Variants in ANKRD33B observed in about 807,000 individuals in gnomAD.
The protein encoded by ANKRD33B is ankyrin repeat domain-containing protein 33B.
In ANKRD33B, 6 loss-of-function variants were observed where a neutral mutation model predicts 21.5. That is an observed-to-expected ratio of 0.28 (90% CI 0.15 to 0.55). ANKRD33B has a LOEUF of 0.55. ANKRD33B is among the 20% of genes least tolerant of loss of function. ANKRD33B has a pLI of 0.94. For synonymous variants in ANKRD33B, 347 were observed against 342.4 expected (o/e 1.01, Z -0.15); for missense variants, 698 against 747.2 (o/e 0.93, Z 0.77).
intron 3 of ANKRD33B, 91 bp from the exon 4 acceptor site, chr5:10,649,175 G>T (rs144064102): frequency 2.8e-5 from 40 of 1,439,870 alleles, no homozygotes; most frequent in Non-Finnish European, 3.6e-5. Context: ...GTGGGGGGTG[G>T]GGGCAGTTTT....
In ANKRD33B at chr5:10,618,516, C is replaced by T. The variant is rs60052781; in HGVS notation, c.496+54C>T. 28,776 of 1,469,538 alleles carry T rather than the reference C, an allele frequency of 0.02. 4,248 individuals carry two copies. In the African/African-American group the frequency reaches 0.34, roughly 17 times the overall value. 91.0% of individuals were successfully genotyped at this position (1,469,538 alleles called of 1,614,324 possible). ...AGAGCCGTGGCCAGAGCACCGCCGC[C>T]GGGCAGCCCGGGCTCCCGTTGCGAT... On this transcript the variant is annotated intron_variant, in intron 2 of 3. Transcript: ENST00000296657.
intron 1 of ANKRD33B, among the ~76,000 whole-genome samples, chr5:10,612,203 G>A (rs976208575): frequency 1.3e-5 from 2 of 152,180 alleles, no homozygotes; most frequent in South Asian, 2.1e-4. Context: ...GTCTTAGTCC[G>A]TTTAGGCTGC....
chr5:10,564,758 C>T lies in ANKRD33B; in HGVS notation c.291C>T (p.Asn97=), dbSNP rs117918201. The change falls in exon 1 of 4, where the codon AAC becomes AAT. Residue 97 remains asparagine, a synonymous_variant. Transcript: ENST00000296657. The part of the protein sequence containing the change: ...ATLLRAACAN[N]VGLLRTLVRR... ...TCCTGCGCGCCGCCTGCGCCAACAA[C>T]GTGGGGCTGCTGCGGACGCTGGTGC... is the stretch of plus-strand genomic sequence containing the variant. 6,335 of 1,529,126 alleles carry T rather than the reference C, an allele frequency of 4.1e-3. 46 individuals are homozygous for T. The highest frequency in any genetic ancestry group is 0.038 in the East Asian group (1,557 of 40,694). The allele number at this position is 1,529,126 out of a possible 1,614,324, so 94.7% of individuals were successfully genotyped here.
chr5:10,633,598 C>A (rs913669694), intron 2 of ANKRD33B, among the ~76,000 whole-genome samples: 4 of 152,206 alleles, frequency 2.6e-5, no homozygotes, highest in Non-Finnish European at 4.4e-5. Context: ...GTTCTTTATT[C>A]GGATTTCCTC....
chr5:10,585,031 A>C (rs1253580299), intron 1 of ANKRD33B, among the ~76,000 whole-genome samples: 1 of 152,222 alleles, frequency 6.6e-6, no homozygotes, highest in East Asian at 1.9e-4. Context: ...CAGAGGGACT[A>C]CAGCAGAGCA....
At chr5:10,569,276 C>T (rs1735124706) in intron 1 of ANKRD33B, among the ~76,000 whole-genome samples, 1 of 152,100 alleles carries the variant, frequency 6.6e-6, no homozygotes, top group African/African-American at 2.4e-5. Flanking sequence ...TTGCGGAGGG[C>T]CTGCAAGCAC....
chr5:10,656,005 G>T lies in ANKRD33B; in HGVS notation c.*5892G>T, dbSNP rs1439629679. 1 of 152,262 alleles carries T rather than the reference G, an allele frequency of 6.6e-6. No homozygotes were observed. 9.4% of individuals were successfully genotyped at this position (152,262 alleles called of 1,614,324 possible). A position where few individuals can be genotyped will look rare whatever the true frequency, so the allele number is the denominator to read the frequency against. On this transcript the variant is annotated 3_prime_UTR_variant, in exon 4 of 4. Coordinates refer to ENST00000296657, the MANE Select transcript of ANKRD33B (RefSeq NM_001164440.2). ...CTGCAGTGGGATGAATGCCATTGCAGCGGTCATGCTGGGAGCTGCCGAGAG... is the reference window on the plus strand; with the variant it reads ...CTGCAGTGGGATGAATGCCATTGCATCGGTCATGCTGGGAGCTGCCGAGAG...
chr5:10,642,082 A>G (rs10036234), intron 3 of ANKRD33B, among the ~76,000 whole-genome samples: 1 of 152,204 alleles, frequency 6.6e-6, no homozygotes, highest in African/African-American at 2.4e-5. Flanking sequence ...TGTCAGTCAC[A>G]TCACTGCACT....
In ANKRD33B at chr5:10,654,884, C is replaced by CAGCA. The variant is rs1184755353; in HGVS notation, c.*4772_*4775dup. The CAGCA allele has an allele frequency of 1.3e-5, 2 of 152,492 alleles. No individual in the cohort carries two copies. Among genetic ancestry groups the CAGCA allele is most frequent in the African/African-American group, 2.4e-5 (1 of 41,454 alleles). The allele number at this position is 152,492 out of a possible 1,614,324, so 9.4% of individuals were successfully genotyped here. On this transcript the variant is annotated 3_prime_UTR_variant, in exon 4 of 4. Transcript: ENST00000296657. ...AAACTCACCAGAAAAGAGGAGGGAA[C>CAGCA]AGCACGGAGCCATTCATCTGGAATT...
chr5:10,624,811 T>C (rs1474145698), intron 2 of ANKRD33B: 1 of 456,652 alleles, frequency 2.2e-6, no homozygotes, highest in Non-Finnish European at 4.4e-6. Flanking sequence ...CTGGGCTGGC[T>C]CATGTGAGCA....
chr5:10,588,088 G>A (rs149953416), intron 1 of ANKRD33B, among the ~76,000 whole-genome samples: 278 of 152,216 alleles, frequency 1.8e-3, no homozygotes, highest in African/African-American at 6.3e-3. Context: ...ATGTTGAAAC[G>A]GCTTTGCTGA....
chr5:10,624,325 T>G (rs1287788239), intron 2 of ANKRD33B, among the ~76,000 whole-genome samples: 1 of 152,134 alleles, frequency 6.6e-6, no homozygotes, highest in Non-Finnish European at 1.5e-5. Flanking sequence ...AGGCGGGGTT[T>G]CACCATGTAG....
chr5:10,615,402 T>C (rs1382393067), intron 1 of ANKRD33B, among the ~76,000 whole-genome samples: 1 of 152,254 alleles, frequency 6.6e-6, no homozygotes, highest in East Asian at 1.9e-4. Flanking sequence ...TTGCAGGTTT[T>C]ACTCATGAGA....
At chr5:10,568,194 A>C (rs1735100929) in intron 1 of ANKRD33B, among the ~76,000 whole-genome samples, 1 of 152,258 alleles carries the variant, frequency 6.6e-6, no homozygotes, top group Admixed American at 6.5e-5. Context: ...GCATGATTTA[A>C]TATGCAACAT....
chr5:10,631,704 A>G (rs575687144), intron 2 of ANKRD33B, among the ~76,000 whole-genome samples: 3 of 152,366 alleles, frequency 2.0e-5, no homozygotes, highest in Non-Finnish European at 4.4e-5. Context: ...CAAGTGTGCA[A>G]TCGAGCTCCG....
intron 1 of ANKRD33B, among the ~76,000 whole-genome samples, chr5:10,571,640 T>G (rs1306783174): frequency 6.6e-6 from 1 of 152,208 alleles, no homozygotes; most frequent in Non-Finnish European, 1.5e-5. Context: ...CTCAAGGGGT[T>G]AATAGTTTTC....
intron 1 of ANKRD33B, among the ~76,000 whole-genome samples, chr5:10,605,569 C>T (rs185113563): frequency 1.3e-5 from 2 of 150,736 alleles, no homozygotes; most frequent in East Asian, 3.9e-4. Context: ...GTTGTTGTTG[C>T]CCAGGCTGGA....
At chr5:10,586,858 G>T (rs1735576932) in intron 1 of ANKRD33B, among the ~76,000 whole-genome samples, 1 of 152,014 alleles carries the variant, frequency 6.6e-6, no homozygotes, top group Non-Finnish European at 1.5e-5. Context: ...TTCATGTGTT[G>T]CCTGGCTTTT....
intron 1 of ANKRD33B, among the ~76,000 whole-genome samples, chr5:10,587,273 G>A (rs957530616): frequency 6.6e-6 from 1 of 151,760 alleles, no homozygotes; most frequent in Non-Finnish European, 1.5e-5. Flanking sequence ...GCTAATTTTT[G>A]TATTTTTAGT....
Sources: allele counts gnomAD v4.1 joint callset (sites outside exome capture counted in the v4.1 genomes callset), GRCh38; gene constraint gnomAD v4.1.1; transcripts MANE v1.5; gene names NCBI Gene and HGNC (gene_info 2026-07-23, HGNC 2026-07-21).